Variants in COX16 observed in about 807,000 individuals in gnomAD.
The protein encoded by COX16 is cytochrome c oxidase assembly protein COX16 homolog, mitochondrial.
In COX16, 12 loss-of-function variants were observed where a neutral mutation model predicts 15.4. The ratio of observed to expected loss-of-function variants is 0.78; its 90% CI spans 0.50 to 1.26. The LOEUF (loss-of-function observed/expected upper bound fraction) is 1.26. Among genes scored for constraint, COX16 ranks in the 50% most tolerant of loss-of-function variants. The pLI, the probability that COX16 is intolerant of heterozygous loss-of-function variation, is 0.00. For missense variants in COX16, 124 were observed against 127.6 expected (o/e 0.97, Z 0.14); for synonymous variants, 46 against 41.1 (o/e 1.12, Z -0.46).
chr14:70,359,140 A>G (rs1012980032), intron 1 of COX16: 1 of 461,042 alleles, frequency 2.2e-6, no homozygotes, highest in Non-Finnish European at 4.3e-6. Context: ...GTTGGGGGCG[A>G]GGAAGCAAGC....
intron 3 of COX16, among the ~76,000 whole-genome samples, chr14:70,327,348 A>AC (rs1886115544): frequency 6.6e-6 from 1 of 151,950 alleles, no homozygotes; most frequent in Non-Finnish European, 1.5e-5. Context: ...CAAATACTCT[A>AC]CATTTGAGAG....
At chr14:70,355,094 A>G (rs1887087763) in intron 1 of COX16, among the ~76,000 whole-genome samples, 1 of 152,178 alleles carries the variant, frequency 6.6e-6, no homozygotes, top group South Asian at 2.1e-4. Flanking sequence ...CTTTCCCACC[A>G]GATACCAACC....
intron 1 of COX16, among the ~76,000 whole-genome samples, chr14:70,353,317 A>C (rs541378558): frequency 6.7e-6 from 1 of 149,922 alleles, no homozygotes; most frequent in African/African-American, 2.4e-5. Flanking sequence ...CATCATTCTG[A>C]AGCTGAAAGA....
intron 2 of COX16, 113 bp downstream of exon 2, chr14:70,342,545 A>C: frequency 1.1e-6 from 1 of 913,654 alleles, no homozygotes; most frequent in South Asian, 2.5e-5. Context: ...ATCACATCTT[A>C]GTGTTGAAAA....
chr14:70,329,308 T>A (rs893948845), intron 2 of COX16, 72 bp from the exon 3 acceptor site: 5 of 1,412,380 alleles, frequency 3.5e-6, no homozygotes, highest in Non-Finnish European at 4.9e-6. Context: ...TTTTAAGTTA[T>A]AGAAGAGATG....
Position 70,342,716 on chromosome 14 carries a change from C to G in COX16, c.83G>C (p.Gly28Ala). The change falls in exon 2 of 4, where the codon GGA (glycine) becomes GCA (alanine). Residue 28 changes from glycine to alanine, a missense_variant. Coordinates refer to ENST00000389912, the MANE Select transcript of COX16 (RefSeq NM_016468.7). ...YGVPMLLLIV[G>A]GSFGLREFSQ... The stretch of plus-strand genomic sequence containing the variant: ...AAACTCACGAAGACCAAAAGAACCT[C>G]CAACAATCAGCAACTAAAACAAAGA... 6.2e-7 allele frequency: 1 copy of G among 1,612,688 alleles called. No individual in the cohort carries two copies. Among genetic ancestry groups the G allele is most frequent in the East Asian group, 2.2e-5 (1 of 44,796 alleles).
At chr14:70,335,432 T>C (rs931659706) in intron 2 of COX16, among the ~76,000 whole-genome samples, 8 of 152,160 alleles carry the variant, frequency 5.3e-5, no homozygotes, top group East Asian at 1.9e-4. Flanking sequence ...TTCTCCAGGA[T>C]AGACCATATG....
At chr14:70,330,720 A>G (rs1307920317) in intron 2 of COX16, among the ~76,000 whole-genome samples, 1 of 152,242 alleles carries the variant, frequency 6.6e-6, no homozygotes, top group Non-Finnish European at 1.5e-5. Context: ...AGCAGACTTA[A>G]AAACTTATAT....
chr14:70,329,822 G>A (rs1187313713), intron 2 of COX16, among the ~76,000 whole-genome samples: 2 of 149,754 alleles, frequency 1.3e-5, no homozygotes, highest in African/African-American at 4.9e-5. Context: ...AGGAAAAAGA[G>A]TATGATGGCT....
At chr14:70,336,868 T>G (rs1022613025) in intron 2 of COX16, among the ~76,000 whole-genome samples, 1 of 152,180 alleles carries the variant, frequency 6.6e-6, no homozygotes, top group Non-Finnish European at 1.5e-5. Flanking sequence ...AATCTAAAAT[T>G]TATCCAATAA....
intron 1 of COX16, among the ~76,000 whole-genome samples, chr14:70,343,770 A>G (rs1886692411): frequency 6.6e-6 from 1 of 152,208 alleles, no homozygotes. Context: ...ACTTCATAAT[A>G]AAGAATTGTA....
chr14:70,339,525 AC>A, intron 2 of COX16, among the ~76,000 whole-genome samples: 1 of 152,118 alleles, frequency 6.6e-6, no homozygotes, highest in Non-Finnish European at 1.5e-5. Context: ...TCTCAACTGA[AC>A]CCATCCTCTC....
chr14:70,349,476 T>C (rs1206582263), intron 1 of COX16, among the ~76,000 whole-genome samples: 1 of 152,206 alleles, frequency 6.6e-6, no homozygotes, highest in African/African-American at 2.4e-5. Context: ...TCCAGTCCGA[T>C]ACAGGCCCAC....
chr14:70,348,998 G>T (rs188530826), intron 1 of COX16, among the ~76,000 whole-genome samples: 111 of 152,254 alleles, frequency 7.3e-4, no homozygotes, highest in African/African-American at 2.6e-3. Context: ...AGAAAAGGAG[G>T]ACTTCTGAGC....
chr14:70,359,490 TTG>T, intron 1 of COX16, 27 bp downstream of exon 1: 1 of 1,599,774 alleles, frequency 6.3e-7, no homozygotes, highest in Non-Finnish European at 8.6e-7. Flanking sequence ...GTCCCACCCC[TTG>T]CGGAAGATCC....
At chr14:70,326,536 G>A in intron 3 of COX16, 87 bp from the exon 4 acceptor site, 2 of 999,020 alleles carry the variant, frequency 2.0e-6, no homozygotes, top group Non-Finnish European at 2.7e-6. Context: ...ATGAATAAAT[G>A]AGTAGAAAGT....
intron 2 of COX16, among the ~76,000 whole-genome samples, chr14:70,337,983 C>T (rs1886507996): frequency 6.6e-6 from 1 of 152,108 alleles, no homozygotes; most frequent in African/African-American, 2.4e-5. Context: ...ATATAACACA[C>T]ATCTGATTGG....
At chr14:70,343,804 G>T (rs146520271) in intron 1 of COX16, among the ~76,000 whole-genome samples, 1 of 152,156 alleles carries the variant, frequency 6.6e-6, no homozygotes, top group African/African-American at 2.4e-5. Flanking sequence ...TTCACCTTGC[G>T]TGCTACCTAG....
chr14:70,349,783 C>A (rs1886891370), intron 1 of COX16, among the ~76,000 whole-genome samples: 1 of 152,194 alleles, frequency 6.6e-6, no homozygotes, highest in Non-Finnish European at 1.5e-5. Context: ...CTGAGCCCTT[C>A]AGGAATTACC....
Sources: gnomAD v4.1 joint callset for allele counts (sites outside exome capture counted in the v4.1 genomes callset) on GRCh38, gnomAD v4.1.1 for gene constraint, MANE v1.5 for transcripts, NCBI Gene and HGNC (gene_info 2026-07-23, HGNC 2026-07-21) for gene names.